Variants in ATG16L2 observed in about 807,000 individuals in gnomAD.
ATG16L2 encodes autophagy related 16 like 2.
ATG16L2 carries 77 observed loss-of-function variants against 84.7 expected under a neutral mutation model. The observed-to-expected ratio is 0.91, with a 90% CI of 0.76 to 1.10. The LOEUF is 1.10. Ranked by LOEUF, ATG16L2 falls within the 50% of genes least tolerant of loss-of-function variation. ATG16L2 has a pLI of 0.00. For missense variants in ATG16L2, 782 were observed against 817.6 expected (o/e 0.96, Z 0.53); for synonymous variants, 361 against 342.8 (o/e 1.05, Z -0.59).
Position 72,840,937 on chromosome 11 carries a change from T to A in ATG16L2, c.*22-1680T>A, listed in dbSNP as rs190050244. On this transcript the variant is annotated intron_variant, in intron 5 of 5. Coordinates refer to the ATG16L2 transcript ENST00000534905. ...GCCTTGATGCCTGTGAGAATCCTGGTGACTCAGCATGAAGGCTTTTTTCTA... is the reference window on the plus strand; with the variant it reads ...GCCTTGATGCCTGTGAGAATCCTGGAGACTCAGCATGAAGGCTTTTTTCTA... 201 of 1,613,176 alleles carry A rather than the reference T, an allele frequency of 1.2e-4. No homozygotes were observed. Among genetic ancestry groups the A allele is most frequent in the Admixed American group, 3.3e-4 (20 of 59,994 alleles).
chr11:72,821,490 C>T (rs1289577541), intron 3 of ATG16L2, 178 bp from the exon 4 acceptor site: 4 of 1,413,436 alleles, frequency 2.8e-6, no homozygotes, highest in Non-Finnish European at 3.7e-6. Context: ...GGGCCTTCCA[C>T]TGCTCCACAA....
Position 72,829,478 on chromosome 11 carries a change from A to G in ATG16L2, c.*88A>G, listed in dbSNP as rs1860554446. ...ATGCAGGGGTTGGGGTTGGGACTGGAGCTGGCCTTGGGATTTAATGGGGAA... is the reference window on the plus strand; with the variant it reads ...ATGCAGGGGTTGGGGTTGGGACTGGGGCTGGCCTTGGGATTTAATGGGGAA... On this transcript the variant is annotated 3_prime_UTR_variant, in exon 18 of 18. Coordinates refer to ENST00000321297, the MANE Select transcript of ATG16L2 (RefSeq NM_033388.2). The G allele has an allele frequency of 6.6e-7, 1 of 1,509,756 alleles. No individual in the cohort carries two copies. The highest frequency in any genetic ancestry group is 1.2e-5 in the South Asian group (1 of 80,466). 93.5% of individuals were successfully genotyped at this position (1,509,756 alleles called of 1,614,324 possible).
chr11:72,823,653 C>T, intron 7 of ATG16L2: 1 of 448,028 alleles, frequency 2.2e-6, no homozygotes, highest in South Asian at 1.6e-5. Context: ...TGGGCCAAGT[C>T]ATTGTAGGAC....
rs1230626042 is a variant in ATG16L2, at chr11:72,822,113, G to A, written c.462G>A (p.Glu154=). The part of the protein sequence containing the change: ...EARAQQAQQV[E]EWRAQNAVQR... ...GGGCGCAGCAGGCCCAGCAGGTGGA[G>A]GAGTGGCGGGCGCAGAATGCGGTGC... The change falls in exon 5 of 18, where the codon GAG becomes GAA. Residue 154 remains glutamate (E), a synonymous_variant. Coordinates refer to ENST00000321297, the MANE Select transcript of ATG16L2 (RefSeq NM_033388.2). This position sits in a 1 kb window ranked among gnomAD's most constrained non-coding sequence, Gnocchi z 4.2. 7 of 1,523,438 alleles carry A rather than the reference G, an allele frequency of 4.6e-6. No homozygotes were observed. The highest frequency in any genetic ancestry group is 6.1e-6 in the Non-Finnish European group (7 of 1,144,740). The allele number at this position is 1,523,438 out of a possible 1,614,324, so 94.4% of individuals were successfully genotyped here. A position where few individuals can be genotyped will look rare whatever the true frequency, so the allele number is the denominator to read the frequency against.
intron 5 of ATG16L2, among the ~76,000 whole-genome samples, chr11:72,841,193 G>A (rs1181251866): frequency 6.6e-6 from 1 of 151,792 alleles, no homozygotes; most frequent in Non-Finnish European, 1.5e-5. Flanking sequence ...AATTAGCTGT[G>A]TGTGGTGGTG....
chr11:72,836,439 C>G (rs892217020), intron 5 of ATG16L2, among the ~76,000 whole-genome samples: 1 of 152,200 alleles, frequency 6.6e-6, no homozygotes, highest in African/African-American at 2.4e-5. Context: ...CCTCAGCTGC[C>G]TCTATGCTAT....
At chr11:72,840,602 T>C (rs1860893146) in intron 5 of ATG16L2, among the ~76,000 whole-genome samples, 1 of 152,220 alleles carries the variant, frequency 6.6e-6, no homozygotes, top group Non-Finnish European at 1.5e-5. Flanking sequence ...GCTTTAATGC[T>C]CATAAAGTTT....
intron 8 of ATG16L2, 54 bp downstream of exon 8, chr11:72,824,176 C>T: frequency 1.2e-6 from 2 of 1,608,854 alleles, no homozygotes; most frequent in East Asian, 2.2e-5. Context: ...GCTCCCCAGC[C>T]CAGGCTTGGT....
In ATG16L2 at chr11:72,838,909, G is replaced by T. The variant is rs376380363; in HGVS notation, c.*22-3708G>T. 53 of 1,566,702 alleles carry T rather than the reference G, an allele frequency of 3.4e-5. No individual in the cohort carries two copies. In the African/African-American group the frequency reaches 5.8e-4, roughly 17 times the overall value. On this transcript the variant is annotated intron_variant, in intron 5 of 5. Transcript: ENST00000534905. Reference sequence around the variant, plus strand: ...AAACAATTACGTAGTTTGTCAGTCAGTTCCTGACTCAGTATCTGAAGCATC... The same window carrying T: ...AAACAATTACGTAGTTTGTCAGTCATTTCCTGACTCAGTATCTGAAGCATC...
rs777264141 is a variant in ATG16L2 at position 72,826,124 on chromosome 11, T to G, written c.1103-49T>G. On this transcript the variant is annotated intron_variant, in intron 10 of 17. Transcript: ENST00000321297. ...GCTCTCAATCCCAATTCCTCCATTT[T>G]GTGAGGTTAAGACCTCATTTCAACT... The G allele has an allele frequency of 3.4e-6, 5 of 1,460,396 alleles. No homozygotes were observed. In the African/African-American group the frequency reaches 7.0e-5, roughly 20 times the overall value. 90.5% of individuals were successfully genotyped at this position (1,460,396 alleles called of 1,614,324 possible).
rs568739118 is a variant in ATG16L2, at chr11:72,814,471, C to G, written c.26C>G (p.Ala9Gly). 6.6e-7 allele frequency: 1 copy of G among 1,515,172 alleles called. No homozygotes were observed. Among genetic ancestry groups the G allele is most frequent in the South Asian group, 1.2e-5 (1 of 81,384 alleles). The allele number at this position is 1,515,172 out of a possible 1,614,324, so 93.9% of individuals were successfully genotyped here. A position where few individuals can be genotyped will look rare whatever the true frequency, so the allele number is the denominator to read the frequency against. Residue 9 changes from alanine (A) to glycine (G), a missense_variant, in exon 1 of 18, where the codon GCC becomes GGC. By Grantham distance (60) the Ala-to-Gly change is moderately conservative (BLOSUM62 0). Transcript: ENST00000321297. MAGPGVPGAPAARWKRHIV... is the reference protein window; with the variant it reads MAGPGVPGGPAARWKRHIV... ...ATGGCGGGGCCGGGCGTCCCCGGTG[C>G]CCCCGCAGCGCGCTGGAAACGCCAC...
chr11:72,840,737 C>T (rs1860899598), intron 5 of ATG16L2: 7 of 596,798 alleles, frequency 1.2e-5, no homozygotes, highest in Admixed American at 2.8e-5. Context: ...TTTTCAATAG[C>T]TCTTTTTACC....
At chr11:72,826,283 T>C in intron 11 of ATG16L2, 40 bp downstream of exon 11, 1 of 1,601,344 alleles carries the variant, frequency 6.2e-7, no homozygotes, top group Non-Finnish European at 8.5e-7. Flanking sequence ...TTGTGCCCTC[T>C]CTGATCTCCA....
At chr11:72,828,196 G>A (rs1860475433) in intron 14 of ATG16L2, among the ~76,000 whole-genome samples, 163 bp from the exon 15 acceptor site, 1 of 152,204 alleles carries the variant, frequency 6.6e-6, no homozygotes, top group Admixed American at 6.5e-5. Context: ...GCTGCAGTGG[G>A]GAGAAGGGAG....
At chr11:72,821,184 T>C in intron 3 of ATG16L2, 1 of 983,286 alleles carries the variant, frequency 1.0e-6, no homozygotes, top group Non-Finnish European at 1.2e-6. Flanking sequence ...TCTGTCGGTG[T>C]CCTTGTCTGT....
chr11:72,822,671 A>G lies in ATG16L2; in HGVS notation c.710+128A>G, dbSNP rs1158477832. On this transcript the variant is annotated intron_variant, in intron 6 of 17. Transcript: ENST00000321297. The surrounding 1 kb of genome is among the most constrained non-coding windows in gnomAD (Gnocchi z 4.2). Reference sequence around the variant, plus strand: ...TGAGGCCCCCATGTGGTCGGAGCCCACGAGACACCTGCAGAGGACCGTGTG... The same window carrying G: ...TGAGGCCCCCATGTGGTCGGAGCCCGCGAGACACCTGCAGAGGACCGTGTG... 2 of 1,256,672 alleles carry G rather than the reference A, an allele frequency of 1.6e-6. No individual in the cohort carries two copies. Among genetic ancestry groups the G allele is most frequent in the Non-Finnish European group, 2.2e-6 (2 of 902,704 alleles). 77.8% of individuals were successfully genotyped at this position (1,256,672 alleles called of 1,614,324 possible). A position where few individuals can be genotyped will look rare whatever the true frequency, so the allele number is the denominator to read the frequency against.
At chr11:72,843,362 A>AGGG (rs3217361) in exon 6 of ATG16L2, 454,802 of 1,611,472 alleles carry the variant, frequency 0.28, 67,347 homozygotes, top group Middle Eastern at 0.37. Context: ...ACAAGTTTAC[A>AGGG]CACACAATTT....
At chr11:72,835,948 A>G (rs1860717093) in intron 5 of ATG16L2, among the ~76,000 whole-genome samples, 1 of 152,056 alleles carries the variant, frequency 6.6e-6, no homozygotes, top group Non-Finnish European at 1.5e-5. Flanking sequence ...GGGTTTCTCC[A>G]TGTTGGTCAG....
chr11:72,842,957 T>A (rs1861007392), exon 6 of ATG16L2: 2 of 947,602 alleles, frequency 2.1e-6, no homozygotes, highest in Non-Finnish European at 3.1e-6. Context: ...GGATTAAAGT[T>A]GTAATTTTTT....
Sources: gnomAD v4.1 joint callset for allele counts (sites outside exome capture counted in the v4.1 genomes callset) on GRCh38, gnomAD v4.1.1 for gene constraint, Gnocchi (gnomAD v3.1) non-coding constraint, MANE v1.5 for transcripts, NCBI Gene and HGNC (gene_info 2026-07-23, HGNC 2026-07-21) for gene names.